The following CHD8 variants were observed in gnomAD, a reference collection of about 807,000 sequenced individuals.
CHD8 encodes ATP-dependent chromatin remodeler CHD8.
Under a neutral mutation model 279.2 loss-of-function variants are expected in CHD8, and 31 were observed. The observed-to-expected ratio is 0.11, with a 90% CI of 0.08 to 0.15. The LOEUF is 0.15. CHD8 is among the 10% of genes least tolerant of loss of function. CHD8 has a pLI of 1.00. For missense variants in CHD8, 2,146 were observed against 3,230.5 expected (o/e 0.66, Z 8.14); for synonymous variants, 1,081 against 1,139.6 (o/e 0.95, Z 1.04).
chr14:21,417,025 G>A (rs1207805589), intron 5 of CHD8, among the ~76,000 whole-genome samples: 11 of 152,198 alleles, frequency 7.2e-5, no homozygotes, highest in East Asian at 3.9e-4. Flanking sequence ...GCTTGAACCC[G>A]GGGGGTGGAG....
At chr14:21,425,528 T>C (rs1889275044) in intron 5 of CHD8, 1 of 152,068 alleles carries the variant, frequency 6.6e-6, no homozygotes, top group African/African-American at 2.4e-5. Flanking sequence ...TTTCACCACG[T>C]TGACCGGACT....
Position 21,408,186 on chromosome 14 carries a change from G to C in CHD8, c.2730+126C>G. 8.4e-7 allele frequency: 1 copy of C among 1,196,674 alleles called. No individual in the cohort carries two copies. Among genetic ancestry groups the C allele is most frequent in the Non-Finnish European group, 1.2e-6 (1 of 861,058 alleles). The allele number at this position is 1,196,674 out of a possible 1,614,324, so 74.1% of individuals were successfully genotyped here. A position where few individuals can be genotyped will look rare whatever the true frequency, so the allele number is the denominator to read the frequency against. The stretch of plus-strand genomic sequence containing the variant: ...CTATACAAAAATGCCTTAAACCATA[G>C]GCATTTTTGCATAGGCATATTGAAG... On this transcript the variant is annotated intron_variant, in intron 13 of 37. Coordinates refer to ENST00000646647, the MANE Select transcript of CHD8 (RefSeq NM_001170629.2). The surrounding 1 kb of genome is among the most constrained non-coding windows in gnomAD (Gnocchi z 4.3).
chr14:21,449,558 G>A (rs1890209220), intron 1 of CHD8, among the ~76,000 whole-genome samples: 1 of 152,202 alleles, frequency 6.6e-6, no homozygotes, highest in Non-Finnish European at 1.5e-5. Flanking sequence ...CTGCTGGGCA[G>A]GATGAAAGGA....
At chr14:21,427,339 C>G (rs969480843) in intron 4 of CHD8, 33 of 717,022 alleles carry the variant, frequency 4.6e-5, no homozygotes, top group Non-Finnish European at 5.7e-5. Context: ...TTGCTCTTGC[C>G]CGTCCCATCC....
At chr14:21,392,898 G>T in intron 33 of CHD8, 89 bp from the exon 34 acceptor site, 1 of 1,380,072 alleles carries the variant, frequency 7.2e-7, no homozygotes, top group Non-Finnish European at 1.0e-6. Flanking sequence ...TCACTACCAG[G>T]ATGGGTAAAA....
chr14:21,436,176 AAAG>A (rs1889773019), intron 1 of CHD8, among the ~76,000 whole-genome samples: 1 of 152,248 alleles, frequency 6.6e-6, no homozygotes. Context: ...AAGGTTCAGA[AAAG>A]AATAAACTAT....
At chr14:21,425,392 T>C (rs901721594) in intron 5 of CHD8, 3 of 150,196 alleles carry the variant, frequency 2.0e-5, no homozygotes, top group African/African-American at 7.4e-5. Context: ...TGGTACAATC[T>C]CGGCTCACTG....
chr14:21,455,909 T>TG (rs1410907636), intron 1 of CHD8, 123 bp downstream of exon 1: 1 of 153,576 alleles, frequency 6.5e-6, no homozygotes, highest in Non-Finnish European at 1.4e-5. Flanking sequence ...CCCTCACAAC[T>TG]GGGGGGCGAG....
chr14:21,391,968 C>G (rs1887562578), intron 34 of CHD8, 22 bp from the exon 35 acceptor site: 2 of 1,496,864 alleles, frequency 1.3e-6, no homozygotes, highest in Non-Finnish European at 9.3e-7. Context: ...ACCCACCCAC[C>G]CAAGACATCA....
chr14:21,424,020 C>T lies in CHD8; in HGVS notation c.1716+2108G>A, dbSNP rs144875392. ...GGAATTTTTTTGTTGTAATACCATACATAATTTTTATATTATCAAGTGTAC... is the reference window on the plus strand; with the variant it reads ...GGAATTTTTTTGTTGTAATACCATATATAATTTTTATATTATCAAGTGTAC... On this transcript the variant is annotated intron_variant, in intron 5 of 37. Transcript: ENST00000646647. Among the ~76,000 whole-genome samples, 47 of 152,246 alleles carry T rather than the reference C, an allele frequency of 3.1e-4. No individual in the cohort carries two copies. The East Asian group carries it at 8.5e-3, about 27-fold the overall frequency.
Position 21,430,927 on chromosome 14 carries a change from G to A in CHD8, c.717C>T (p.Val239=), listed in dbSNP as rs774531188. 6.9e-6 allele frequency: 11 copies of A among 1,599,406 alleles called. No individual in the cohort carries two copies. The highest frequency in any genetic ancestry group is 9.3e-6 in the Non-Finnish European group (11 of 1,179,796). Residue 239 remains valine (V), a synonymous_variant, in exon 2 of 38, where the codon GTC becomes GTT. Transcript: ENST00000646647. ...PGNQAAVQRI[V]QPSRPVKQLV... ...GCTGCTTTACTGGTCGGCTGGGCTG[G>A]ACAATGCGCTGAACAGCAGCCTGGT...
At chr14:21,421,415 A>G (rs1889040092) in intron 5 of CHD8, among the ~76,000 whole-genome samples, 2 of 151,710 alleles carry the variant, frequency 1.3e-5, no homozygotes, top group South Asian at 4.2e-4. Context: ...TACTGCATGA[A>G]TATTGCCAAT....
chr14:21,421,750 C>T (rs955334552), intron 5 of CHD8, among the ~76,000 whole-genome samples: 3 of 152,056 alleles, frequency 2.0e-5, no homozygotes, highest in Non-Finnish European at 2.9e-5. Context: ...ATGTTGAAGC[C>T]CCTAACCCCC....
chr14:21,414,157 A>G, intron 9 of CHD8, 144 bp downstream of exon 9: 1 of 601,876 alleles, frequency 1.7e-6, no homozygotes, highest in Non-Finnish European at 3.0e-6. Flanking sequence ...CAGTTAAGTA[A>G]GGGAAGTCAA....
At chr14:21,427,592 A>T in intron 4 of CHD8, 1 of 1,430,142 alleles carries the variant, frequency 7.0e-7, no homozygotes, top group Non-Finnish European at 9.2e-7. Flanking sequence ...AGTAGCAAGG[A>T]GCACTCACTT....
intron 37 of CHD8, among the ~76,000 whole-genome samples, chr14:21,388,338 TAAC>T (rs1887371413): frequency 6.6e-6 from 1 of 151,944 alleles, no homozygotes; most frequent in Non-Finnish European, 1.5e-5. Flanking sequence ...AACTAAAAAA[TAAC>T]AAGAGAAAAT....
In CHD8 at chr14:21,403,968, G is replaced by A. The variant is rs576814047; in HGVS notation, c.3308-305C>T. On this transcript the variant is annotated intron_variant, in intron 16 of 37. Transcript: ENST00000646647. This position sits in a 1 kb window ranked among gnomAD's most constrained non-coding sequence, Gnocchi z 4.3. ...ACAAAAATTAGCCAGGTGTGGTGGC[G>A]GAGGCCTGTAGTTCCAGCTACTCAG... 2.4e-4 allele frequency among the ~76,000 whole-genome samples: 37 copies of A among 152,130 alleles called. No homozygotes were observed. In the East Asian group the frequency reaches 3.5e-3, roughly 14 times the overall value.
rs372006452 is a variant in CHD8 at position 21,402,465 on chromosome 14, A to G, written c.3753T>C (p.Ala1251=). Residue 1251 remains alanine, a synonymous_variant, in exon 19 of 38, where the codon GCT becomes GCC. Coordinates refer to ENST00000646647, the MANE Select transcript of CHD8 (RefSeq NM_001170629.2). The surrounding 1 kb of genome is among the most constrained non-coding windows in gnomAD (Gnocchi z 4.5). ...GAGTGATGAGGCGGTACACCTTCAC[A>G]GCTTTGCTCTGCCCAATTCGATGAC... ...ARCHRIGQSK[A]VKVYRLITRN... 6.2e-6 allele frequency: 10 copies of G among 1,613,532 alleles called. No individual in the cohort carries two copies. Among genetic ancestry groups the G allele is most frequent in the Non-Finnish European group, 8.5e-6 (10 of 1,179,666 alleles).
intron 37 of CHD8, among the ~76,000 whole-genome samples, chr14:21,389,105 G>C (rs1174259110): frequency 6.6e-6 from 1 of 151,798 alleles, no homozygotes; most frequent in African/African-American, 2.4e-5. Flanking sequence ...TTCGAGACCA[G>C]CCTGACCAAC....
Sources: gnomAD v4.1 joint callset for allele counts (sites outside exome capture counted in the v4.1 genomes callset) on GRCh38, gnomAD v4.1.1 for gene constraint, Gnocchi (gnomAD v3.1) non-coding constraint, MANE v1.5 for transcripts, NCBI Gene and HGNC (gene_info 2026-07-23, HGNC 2026-07-21) for gene names.